Variants in MAPK4 observed in about 807,000 individuals in gnomAD.
MAPK4 encodes the protein Erk3-related.
MAPK4 carries 22 observed loss-of-function variants against 47.7 expected under a neutral mutation model. That is an observed-to-expected ratio of 0.46 (90% CI 0.33 to 0.66). MAPK4 has a LOEUF of 0.66. MAPK4 is among the 30% of genes least tolerant of loss of function. The pLI, the probability that MAPK4 is intolerant of heterozygous loss-of-function variation, is 0.02. For missense variants in MAPK4, 736 were observed against 831.7 expected, an observed-to-expected ratio of 0.88 and a Z score of 1.42; for synonymous variants, 390 against 365.7, an observed-to-expected ratio of 1.07 and a Z score of -0.76.
chr18:50,719,358 C>CA (rs869254653), intron 3 of MAPK4, among the ~76,000 whole-genome samples: 17 of 108,280 alleles, frequency 1.6e-4, no homozygotes, highest in African/African-American at 4.2e-4. Context: ...AAAAACAAAA[C>CA]AAAAAAAAAT....
chr18:50,698,871 A>G lies in MAPK4; in HGVS notation c.547-16208A>G, dbSNP rs918463761. On this transcript the variant is annotated intron_variant, in intron 2 of 5. Transcript: ENST00000400384. ...AAAACCTTGTCTCTACTAAAAATAC[A>G]AAAATTAGCTAGGTATAGTGGTGCA... Among the ~76,000 whole-genome samples the G allele has an allele frequency of 9.2e-5, 14 of 152,100 alleles. No individual in the cohort carries two copies. In the East Asian group the frequency reaches 1.9e-3, roughly 21 times the overall value.
intron 2 of MAPK4, among the ~76,000 whole-genome samples, chr18:50,693,394 C>T (rs1458976011): frequency 2.6e-5 from 4 of 152,112 alleles, no homozygotes; most frequent in African/African-American, 9.7e-5. Flanking sequence ...GAGCAGCAAA[C>T]TAGGGACTCA....
intron 1 of MAPK4, among the ~76,000 whole-genome samples, chr18:50,658,370 C>T (rs1252006768): frequency 6.6e-6 from 1 of 152,164 alleles, no homozygotes; most frequent in African/African-American, 2.4e-5. Context: ...GCGATTAGAG[C>T]GTGAGTGTTG....
At chr18:50,568,169 C>T (rs1331730213) in intron 1 of MAPK4, among the ~76,000 whole-genome samples, 2 of 149,216 alleles carry the variant, frequency 1.3e-5, no homozygotes, top group Admixed American at 6.7e-5. Flanking sequence ...GCACTCCAGC[C>T]TGGGTGACAG....
chr18:50,615,426 A>G (rs1000647086), intron 1 of MAPK4, among the ~76,000 whole-genome samples: 10 of 152,120 alleles, frequency 6.6e-5, no homozygotes, highest in African/African-American at 2.4e-4. Context: ...TTTTCCTGAG[A>G]TATTGTCCTC....
intron 2 of MAPK4, among the ~76,000 whole-genome samples, chr18:50,679,530 A>C (rs944378216): frequency 4.2e-4 from 64 of 152,096 alleles, no homozygotes; most frequent in African/African-American, 1.4e-3. Context: ...GTTAATTACT[A>C]TCCTCCTTTG....
At chr18:50,582,919 G>C (rs1349640451) in intron 1 of MAPK4, among the ~76,000 whole-genome samples, 2 of 152,246 alleles carry the variant, frequency 1.3e-5, no homozygotes, top group African/African-American at 2.4e-5. Context: ...TGCAAGAAAA[G>C]TCACAGCTCT....
chr18:50,688,732 T>G (rs983272745), intron 2 of MAPK4, among the ~76,000 whole-genome samples: 5 of 150,896 alleles, frequency 3.3e-5, no homozygotes, highest in African/African-American at 1.2e-4. Context: ...TCAGGGACTC[T>G]GGGGAAAGGG....
At chr18:50,627,092 C>A (rs1172447809) in intron 1 of MAPK4, among the ~76,000 whole-genome samples, 1 of 139,344 alleles carries the variant, frequency 7.2e-6, no homozygotes, top group Non-Finnish European at 1.5e-5. Flanking sequence ...TCCATTTCCG[C>A]TCCTGCTTTG....
rs574796461 is a variant in MAPK4, at chr18:50,643,269, T to C, written c.-870-19820T>C. ...GGCTCACACCTGTAATCCCAGCACT[T>C]TGGGAGGCTGAGGCAGGCGGATCAC... On this transcript the variant is annotated intron_variant, in intron 1 of 5. Transcript: ENST00000400384. Among the ~76,000 whole-genome samples the C allele has an allele frequency of 2.6e-5, 4 of 152,306 alleles. No homozygotes were observed. The East Asian group carries it at 7.7e-4, about 29-fold the overall frequency.
At chr18:50,680,753 A>G (rs774607642) in intron 2 of MAPK4, among the ~76,000 whole-genome samples, 3 of 152,222 alleles carry the variant, frequency 2.0e-5, no homozygotes, top group Non-Finnish European at 2.9e-5. Context: ...TGAAGCAGGT[A>G]TGAGTACTTC....
At chr18:50,645,402 A>G (rs759097159) in intron 1 of MAPK4, among the ~76,000 whole-genome samples, 5 of 152,250 alleles carry the variant, frequency 3.3e-5, no homozygotes, top group African/African-American at 7.2e-5. Context: ...ATGAGCTCTC[A>G]AAATTAGCAG....
At chr18:50,681,300 A>T (rs1908571994) in intron 2 of MAPK4, among the ~76,000 whole-genome samples, 1 of 152,210 alleles carries the variant, frequency 6.6e-6, no homozygotes, top group Non-Finnish European at 1.5e-5. Flanking sequence ...TTCCAAATGT[A>T]AGTCCCTTAT....
chr18:50,594,208 A>G (rs2042462695), intron 1 of MAPK4, among the ~76,000 whole-genome samples: 1 of 152,214 alleles, frequency 6.6e-6, no homozygotes, highest in Non-Finnish European at 1.5e-5. Context: ...CCGCGCTGGC[A>G]GCCAATTGCA....
At chr18:50,614,455 A>G (rs1490370155) in intron 1 of MAPK4, among the ~76,000 whole-genome samples, 1 of 152,136 alleles carries the variant, frequency 6.6e-6, no homozygotes, top group Non-Finnish European at 1.5e-5. Context: ...TTAAATTTAA[A>G]TAAGGTTGAA....
At chr18:50,728,284 ATCTGCCCT>A (rs2144496233) in intron 5 of MAPK4, among the ~76,000 whole-genome samples, 1 of 152,358 alleles carries the variant, frequency 6.6e-6, no homozygotes, top group East Asian at 1.9e-4. Flanking sequence ...CTGTCTGCCC[ATCTGCCCT>A]TCATTTGCTC....
Position 50,647,476 on chromosome 18 carries a change from G to A in MAPK4, c.-870-15613G>A, listed in dbSNP as rs983350446. 1.3e-5 allele frequency among the ~76,000 whole-genome samples: 2 copies of A among 152,270 alleles called. 1 individual carries two copies. Among genetic ancestry groups the A allele is most frequent in the Middle Eastern group, 6.8e-3 (2 of 294 alleles). On this transcript the variant is annotated intron_variant, in intron 1 of 5. Transcript: ENST00000400384. ...GGAGAAGAAAAAGAAATGAACACCC[G>A]AGGGAGGGGCATGCAGTTGCTGTCC...
intron 1 of MAPK4, among the ~76,000 whole-genome samples, chr18:50,640,915 C>A (rs538296602): frequency 6.6e-6 from 1 of 152,222 alleles, no homozygotes; most frequent in South Asian, 2.1e-4. Flanking sequence ...ATGAAGGTAC[C>A]TAGAAAAATA....
At chr18:50,591,768 T>C (rs1262422746) in intron 1 of MAPK4, among the ~76,000 whole-genome samples, 2 of 151,890 alleles carry the variant, frequency 1.3e-5, no homozygotes, top group Non-Finnish European at 2.9e-5. Flanking sequence ...ACATATTTAG[T>C]AAATGCAAGA....
Sources: allele counts gnomAD v4.1 joint callset (sites outside exome capture counted in the v4.1 genomes callset), GRCh38; gene constraint gnomAD v4.1.1; transcripts MANE v1.5; gene names NCBI Gene and HGNC (gene_info 2026-07-23, HGNC 2026-07-21).